The following MAP4 variants were observed in gnomAD, a reference collection of about 807,000 sequenced individuals.
The protein encoded by MAP4 is microtubule associated protein 4.
Under a neutral mutation model 170.2 loss-of-function variants are expected in MAP4, and 76 were observed. That is an observed-to-expected ratio of 0.45 (90% CI 0.37 to 0.54). The LOEUF (loss-of-function observed/expected upper bound fraction) is 0.54, where lower values mean the gene tolerates loss of function less well. MAP4 is among the 20% of genes least tolerant of loss of function. MAP4 has a pLI of 0.00. For missense variants in MAP4, 2,506 were observed against 2,748.0 expected (o/e 0.91, Z 1.97); for synonymous variants, 909 against 994.5 (o/e 0.91, Z 1.62).
Position 47,851,908 on chromosome 3 carries a change from C to T in MAP4, c.*1026G>A, listed in dbSNP as rs895257402. 15 of 152,246 alleles carry T rather than the reference C, an allele frequency of 9.9e-5. No individual in the cohort carries two copies. Among genetic ancestry groups the T allele is most frequent in the African/African-American group, 3.6e-4 (15 of 41,448 alleles). The allele number at this position is 152,246 out of a possible 1,614,324, so 9.4% of individuals were successfully genotyped here. A position where few individuals can be genotyped will look rare whatever the true frequency, so the allele number is the denominator to read the frequency against. On this transcript the variant is annotated 3_prime_UTR_variant, in exon 21 of 21. Coordinates refer to ENST00000683076, the MANE Select transcript of MAP4 (RefSeq NM_001385682.1). ...GCCCTTTCTTGTTCTCCAGCCCTGG[C>T]TTTTTATCCTAGGGCTGACCACCAG...
chr3:47,923,907 G>A (rs1169717562), intron 4 of MAP4, among the ~76,000 whole-genome samples: 1 of 152,166 alleles, frequency 6.6e-6, no homozygotes, highest in Non-Finnish European at 1.5e-5. Flanking sequence ...ATTCTTCCCA[G>A]TTCTATATGG....
chr3:48,009,401 G>A (rs1433467080), intron 1 of MAP4, among the ~76,000 whole-genome samples: 1 of 152,156 alleles, frequency 6.6e-6, no homozygotes, highest in African/African-American at 2.4e-5. Context: ...GCACCCAGCT[G>A]ACTCATGGAA....
intron 1 of MAP4, among the ~76,000 whole-genome samples, chr3:48,027,326 C>G (rs1211384403): frequency 2.0e-5 from 3 of 152,054 alleles, no homozygotes; most frequent in African/African-American, 7.2e-5. Flanking sequence ...ATCTAGAAAA[C>G]TAGAGACAAA....
At chr3:48,087,729 GCACACACACGCACGCGCACACACA>G (rs2100149922) in intron 1 of MAP4, among the ~76,000 whole-genome samples, 1 of 117,852 alleles carries the variant, frequency 8.5e-6, no homozygotes, top group South Asian at 2.9e-4. Flanking sequence ...ACACGCACGC[GCACACACACGCACGCGCACACACA>G]CACACACACA....
chr3:47,949,465 CAA>C (rs60076214), intron 3 of MAP4, among the ~76,000 whole-genome samples: 824 of 70,934 alleles, frequency 0.012, 3 homozygotes, highest in African/African-American at 0.04. Flanking sequence ...GACTGCGTCC[CAA>C]AAAAAAAAAA....
At chr3:47,892,955 G>C in intron 10 of MAP4, 1 of 918,560 alleles carries the variant, frequency 1.1e-6, no homozygotes, top group Non-Finnish European at 1.3e-6. Flanking sequence ...AAAAATAACC[G>C]AGACTCATTT....
chr3:48,035,943 C>G (rs528438488), intron 1 of MAP4, among the ~76,000 whole-genome samples: 6 of 151,878 alleles, frequency 4.0e-5, no homozygotes, highest in Admixed American at 6.6e-5. Context: ...CCATCCCCCC[C>G]TCTCAAAAAA....
At chr3:48,059,972 C>A (rs377025402) in intron 1 of MAP4, among the ~76,000 whole-genome samples, 175 of 138,774 alleles carry the variant, frequency 1.3e-3, no homozygotes, top group Middle Eastern at 3.6e-3. Flanking sequence ...GACTCTGTCT[C>A]AAAAAAAAAA....
intron 10 of MAP4, among the ~76,000 whole-genome samples, chr3:47,899,386 T>G (rs752101977): frequency 6.6e-6 from 1 of 152,204 alleles, no homozygotes; most frequent in Non-Finnish European, 1.5e-5. Context: ...GTGATCCTCC[T>G]GCCTCAGCCT....
rs554603367 is a variant in MAP4, at chr3:48,044,316, G to A, written c.-20+44457C>T. 4.2e-3 allele frequency among the ~76,000 whole-genome samples: 616 copies of A among 145,564 alleles called. 4 individuals are homozygous for A. The highest frequency in any genetic ancestry group is 0.015 in the African/African-American group (589 of 39,384). On this transcript the variant is annotated intron_variant, in intron 1 of 18. Transcript: ENST00000360240. ...ACTACAGGCACCCGCCACCACGCCC[G>A]GCTAATTTTTTTGTATTTTTAGTAG...
chr3:47,856,100 A>C (rs2055674661), intron 18 of MAP4, among the ~76,000 whole-genome samples: 1 of 152,138 alleles, frequency 6.6e-6, no homozygotes, highest in Non-Finnish European at 1.5e-5. Context: ...CATGAGACCA[A>C]GGGGAAGGGT....
At chr3:48,029,689 T>C (rs1051364767) in intron 1 of MAP4, among the ~76,000 whole-genome samples, 5 of 152,008 alleles carry the variant, frequency 3.3e-5, no homozygotes, top group Non-Finnish European at 7.4e-5. Context: ...CTAGTTCCAG[T>C]AGTAATAAAA....
At chr3:48,048,759 A>G (rs2100125944) in intron 1 of MAP4, among the ~76,000 whole-genome samples, 1 of 151,988 alleles carries the variant, frequency 6.6e-6, no homozygotes, top group Non-Finnish European at 1.5e-5. Flanking sequence ...ACACTGATAC[A>G]TAACTGTTAA....
At chr3:47,999,642 A>T (rs1444646464) in intron 1 of MAP4, among the ~76,000 whole-genome samples, 1 of 152,174 alleles carries the variant, frequency 6.6e-6, no homozygotes, top group East Asian at 1.9e-4. Flanking sequence ...TGTAAGTGGA[A>T]GCTAAATGAT....
At chr3:48,080,831 A>C (rs538774609) in intron 1 of MAP4, among the ~76,000 whole-genome samples, 1 of 152,172 alleles carries the variant, frequency 6.6e-6, no homozygotes, top group Non-Finnish European at 1.5e-5. Flanking sequence ...AAATACAAAA[A>C]ATTAGCCAGT....
Position 47,855,225 on chromosome 3 carries a change from C to T in MAP4, c.6696+23G>A. On this transcript the variant is annotated intron_variant, in intron 19 of 20. Coordinates refer to ENST00000683076, the MANE Select transcript of MAP4 (RefSeq NM_001385682.1). The surrounding 1 kb of genome is among the most constrained non-coding windows in gnomAD (Gnocchi z 5.1). ...AGTTCCCACCCCTCCCCAGCTGTGT[C>T]TCCCCAGTGACCCACTCGCTACCTT... is the stretch of plus-strand genomic sequence containing the variant. 1.9e-6 allele frequency: 3 copies of T among 1,556,972 alleles called. No homozygotes were observed. The South Asian group carries it at 3.3e-5, about 17-fold the overall frequency.
intron 10 of MAP4, among the ~76,000 whole-genome samples, chr3:47,901,288 T>C (rs1184903997): frequency 1.3e-5 from 2 of 152,228 alleles, no homozygotes; most frequent in South Asian, 2.1e-4. Context: ...CTGAAGAGTA[T>C]AGAATGTGTT....
chr3:47,878,925 G>A (rs369845087), intron 10 of MAP4, among the ~76,000 whole-genome samples: 1 of 152,196 alleles, frequency 6.6e-6, no homozygotes, highest in Non-Finnish European at 1.5e-5. Context: ...ATACTTGGTA[G>A]GTATGTGAAC....
intron 3 of MAP4, among the ~76,000 whole-genome samples, chr3:47,938,072 T>C (rs2100054087): frequency 6.6e-6 from 1 of 151,922 alleles, no homozygotes; most frequent in Non-Finnish European, 1.5e-5. Context: ...ACTTTTATTT[T>C]ATTGAGACAA....
Sources: gnomAD v4.1 joint callset for allele counts (sites outside exome capture counted in the v4.1 genomes callset) on GRCh38, gnomAD v4.1.1 for gene constraint, Gnocchi (gnomAD v3.1) non-coding constraint, MANE v1.5 for transcripts, NCBI Gene and HGNC (gene_info 2026-07-23, HGNC 2026-07-21) for gene names.